KIAA1328: variants seen among roughly 807,000 people sequenced by gnomAD.
KIAA1328 encodes KIAA1328.
In KIAA1328, 52 loss-of-function variants were observed where a neutral mutation model predicts 68.1. That is an observed-to-expected ratio of 0.76 (90% CI 0.61 to 0.96). KIAA1328 has a LOEUF of 0.96. Ranked by LOEUF, KIAA1328 falls within the 40% of genes least tolerant of loss-of-function variation. The pLI, the probability that KIAA1328 is intolerant of heterozygous loss-of-function variation, is 0.00. For synonymous variants in KIAA1328, 232 were observed against 239.4 expected, an observed-to-expected ratio of 0.97 and a Z score of 0.28; for missense variants, 641 against 677.6, an observed-to-expected ratio of 0.95 and a Z score of 0.60.
chr18:36,937,588 C>A (rs766562825), intron 5 of KIAA1328, among the ~76,000 whole-genome samples: 1 of 151,882 alleles, frequency 6.6e-6, no homozygotes, highest in Non-Finnish European at 1.5e-5. Flanking sequence ...TCATATGTGG[C>A]CAACAAACAT....
intron 6 of KIAA1328, among the ~76,000 whole-genome samples, chr18:37,030,950 G>A (rs1033267369): frequency 6.6e-6 from 1 of 151,398 alleles, no homozygotes; most frequent in South Asian, 2.1e-4. Context: ...TTCTGTCCTT[G>A]GGATAGTTTG....
At chr18:37,058,070 G>A (rs937891043) in intron 6 of KIAA1328, among the ~76,000 whole-genome samples, 1 of 152,148 alleles carries the variant, frequency 6.6e-6, no homozygotes, top group African/African-American at 2.4e-5. Context: ...GACAGAGAAG[G>A]GCTGTCTGCA....
chr18:36,909,488 A>T lies in KIAA1328; in HGVS notation c.448+23816A>T, dbSNP rs185957348. The stretch of plus-strand genomic sequence containing the variant: ...TCATCCTTTTTTATGGCTGCATAGT[A>T]TTCCATGGGTGTGTATGTGCTGCAT... On this transcript the variant is annotated intron_variant, in intron 5 of 9. Coordinates refer to ENST00000280020, the MANE Select transcript of KIAA1328 (RefSeq NM_020776.3). 3.0e-3 allele frequency among the ~76,000 whole-genome samples: 462 copies of T among 152,258 alleles called. 1 individual carries two copies. Among genetic ancestry groups the T allele is most frequent in the Non-Finnish European group, 3.6e-3 (243 of 68,022 alleles).
intron 7 of KIAA1328, among the ~76,000 whole-genome samples, chr18:37,098,842 A>G (rs1274936462): frequency 6.6e-6 from 1 of 151,856 alleles, no homozygotes; most frequent in Admixed American, 6.6e-5. Flanking sequence ...TTTCTTGTAG[A>G]TTTTCTAGTT....
chr18:36,921,933 AT>A (rs927340871), intron 5 of KIAA1328, among the ~76,000 whole-genome samples: 48 of 146,190 alleles, frequency 3.3e-4, no homozygotes, highest in African/African-American at 3.7e-4. Flanking sequence ...TTTTGAAAAT[AT>A]TTTTTTTTTT....
intron 6 of KIAA1328, among the ~76,000 whole-genome samples, chr18:36,975,669 A>G (rs546588102): frequency 4.0e-4 from 61 of 152,246 alleles, no homozygotes; most frequent in African/African-American, 1.4e-3. Context: ...ACTTCCTTCA[A>G]CTGCCTGTTA....
intron 7 of KIAA1328, among the ~76,000 whole-genome samples, chr18:37,128,221 C>A (rs2058438917): frequency 6.6e-6 from 1 of 152,124 alleles, no homozygotes; most frequent in African/African-American, 2.4e-5. Context: ...GTAATTCCAG[C>A]ACTTTGGGAG....
intron 7 of KIAA1328, among the ~76,000 whole-genome samples, chr18:37,115,641 C>T (rs1454523511): frequency 6.6e-6 from 1 of 152,168 alleles, no homozygotes; most frequent in African/African-American, 2.4e-5. Context: ...TCCTGTTCAA[C>T]ATAGTGTTGG....
intron 6 of KIAA1328, among the ~76,000 whole-genome samples, chr18:37,047,445 G>T (rs1035453741): frequency 1.3e-5 from 2 of 151,942 alleles, no homozygotes; most frequent in Admixed American, 6.6e-5. Flanking sequence ...TTTTATACTG[G>T]CTCCTTCCTA....
Position 36,959,383 on chromosome 18 carries a change from A to G in KIAA1328, c.524A>G (p.Lys175Arg). 3.1e-6 allele frequency: 5 copies of G among 1,609,754 alleles called. No individual in the cohort carries two copies. Among genetic ancestry groups the G allele is most frequent in the Non-Finnish European group, 4.2e-6 (5 of 1,178,066 alleles). The change falls in exon 6 of 10, where the codon AAG becomes AGG. Residue 175 changes from lysine (K) to arginine (R), a missense_variant. Coordinates refer to ENST00000280020, the MANE Select transcript of KIAA1328 (RefSeq NM_020776.3). Reference protein sequence around the residue: ...YQKYLSEQQEKLTMSLSELGA... With the variant: ...YQKYLSEQQERLTMSLSELGA... Reference sequence around the variant, plus strand: ...AAATATTTATCAGAACAACAGGAGAAGCTCACCATGTCTCTCTCAGAACTT... The same window carrying G: ...AAATATTTATCAGAACAACAGGAGAGGCTCACCATGTCTCTCTCAGAACTT...
intron 1 of KIAA1328, among the ~76,000 whole-genome samples, chr18:36,830,834 A>G (rs2046460344): frequency 6.6e-6 from 1 of 152,216 alleles, no homozygotes; most frequent in Non-Finnish European, 1.5e-5. Flanking sequence ...TGGCGATTAT[A>G]TCCTATAAGA....
intron 6 of KIAA1328, among the ~76,000 whole-genome samples, chr18:37,028,689 G>T (rs1409858924): frequency 6.6e-6 from 1 of 152,046 alleles, no homozygotes; most frequent in African/African-American, 2.4e-5. Context: ...TTATTTTGAA[G>T]TGTGTTCCTT....
chr18:37,203,923 C>T (rs565789496), intron 9 of KIAA1328, among the ~76,000 whole-genome samples: 1 of 152,268 alleles, frequency 6.6e-6, no homozygotes, highest in East Asian at 1.9e-4. Context: ...CATTCTCCTG[C>T]CTCAGCCTCC....
At chr18:37,057,979 A>G (rs1354038786) in intron 6 of KIAA1328, among the ~76,000 whole-genome samples, 1 of 152,232 alleles carries the variant, frequency 6.6e-6, no homozygotes, top group African/African-American at 2.4e-5. Flanking sequence ...GAACGAATTT[A>G]CCAAGATAGT....
chr18:37,051,232 C>A (rs1228534632), intron 6 of KIAA1328, among the ~76,000 whole-genome samples: 1 of 146,364 alleles, frequency 6.8e-6, no homozygotes, highest in Non-Finnish European at 1.5e-5. Flanking sequence ...AAATTGAGAG[C>A]AAAAAAAAAA....
chr18:37,178,602 A>C (rs2059639772), intron 9 of KIAA1328, among the ~76,000 whole-genome samples: 1 of 152,104 alleles, frequency 6.6e-6, no homozygotes, highest in Non-Finnish European at 1.5e-5. Context: ...CATACCCAGC[A>C]GTGGGATTGT....
chr18:36,846,151 A>G, intron 4 of KIAA1328, among the ~76,000 whole-genome samples: 1 of 151,536 alleles, frequency 6.6e-6, no homozygotes, highest in Non-Finnish European at 1.5e-5. Flanking sequence ...TCTTATTTGC[A>G]AGACTGTTTG....
chr18:37,145,046 G>A (rs1314850457), intron 7 of KIAA1328, among the ~76,000 whole-genome samples: 1 of 151,882 alleles, frequency 6.6e-6, no homozygotes, highest in Admixed American at 6.6e-5. Flanking sequence ...ACCAGTCTGG[G>A]CAACGTGGTG....
intron 6 of KIAA1328, among the ~76,000 whole-genome samples, chr18:36,967,839 T>C (rs1194753929): frequency 2.0e-5 from 3 of 152,024 alleles, no homozygotes; most frequent in Non-Finnish European, 4.4e-5. Context: ...ACTCTTATCA[T>C]GGGCATCTGG....
Sources: gnomAD v4.1 joint callset for allele counts (sites outside exome capture counted in the v4.1 genomes callset) on GRCh38, gnomAD v4.1.1 for gene constraint, MANE v1.5 for transcripts, NCBI Gene and HGNC (gene_info 2026-07-23, HGNC 2026-07-21) for gene names.